The following TIAM2 variants were observed in gnomAD, a reference collection of about 807,000 sequenced individuals.
TIAM2 encodes rho guanine nucleotide exchange factor TIAM2.
A neutral mutation model predicts 152.9 loss-of-function variants in TIAM2; 80 were observed. The observed-to-expected ratio is 0.52, with a 90% CI of 0.44 to 0.63. TIAM2 has a LOEUF of 0.63. TIAM2 is among the 30% of genes least tolerant of loss of function. The pLI, the probability that TIAM2 is intolerant of heterozygous loss-of-function variation, is 0.00. For missense variants in TIAM2, 1,965 were observed against 2,120.1 expected, an observed-to-expected ratio of 0.93 and a Z score of 1.44; for synonymous variants, 804 against 838.0, an observed-to-expected ratio of 0.96 and a Z score of 0.70.
chr6:155,240,348 T>G (rs1782967708), intron 15 of TIAM2, among the ~76,000 whole-genome samples, 182 bp from the exon 16 acceptor site: 1 of 152,220 alleles, frequency 6.6e-6, no homozygotes, highest in African/African-American at 2.4e-5. Context: ...GCGCACATCT[T>G]CCTTACTCAG....
At chr6:155,032,893 C>G (rs1356062821) in intron 1 of TIAM2, among the ~76,000 whole-genome samples, 1 of 152,118 alleles carries the variant, frequency 6.6e-6, no homozygotes, top group Non-Finnish European at 1.5e-5. Context: ...AAGGAATACT[C>G]CAAAGGAATT....
At chr6:155,038,581 G>A (rs955055022) in intron 1 of TIAM2, among the ~76,000 whole-genome samples, 4 of 152,108 alleles carry the variant, frequency 2.6e-5, no homozygotes, top group Non-Finnish European at 5.9e-5. Context: ...AAGCTGGTAC[G>A]AAAAAGCACT....
At chr6:155,177,328 G>A (rs1780782307) in intron 10 of TIAM2, among the ~76,000 whole-genome samples, 1 of 152,062 alleles carries the variant, frequency 6.6e-6, no homozygotes, top group African/African-American at 2.4e-5. Context: ...TAAACTTTGA[G>A]GTAATTTAAT....
At chr6:155,220,887 G>C (rs151284731) in intron 15 of TIAM2, among the ~76,000 whole-genome samples, 1,880 of 152,050 alleles carry the variant, frequency 0.012, 32 homozygotes, top group Non-Finnish European at 0.014. Flanking sequence ...TCTACCTTAG[G>C]TATTTCTCCT....
At chr6:155,020,160 C>G (rs1776447467) in intron 1 of TIAM2, among the ~76,000 whole-genome samples, 1 of 152,174 alleles carries the variant, frequency 6.6e-6, no homozygotes, top group Admixed American at 6.6e-5. Context: ...GCAGCCTTGC[C>G]TAAGTCCTGA....
At chr6:155,135,609 C>G (rs1162790713) in intron 4 of TIAM2, among the ~76,000 whole-genome samples, 1 of 152,194 alleles carries the variant, frequency 6.6e-6, no homozygotes, top group Non-Finnish European at 1.5e-5. Context: ...AGTGACTAGA[C>G]TTCTAATCCA....
Position 155,249,900 on chromosome 6 carries a change from G to C in TIAM2, c.3882G>C (p.Gln1294His), listed in dbSNP as rs1311141522. ...EKVASHINEM[Q>H]KIYEDYGTVF... ...TAGCGAGCCACATCAATGAGATGCA[G>C]AAGATCTATGAGGATTATGGGACCG... The change falls in exon 21 of 27, where the codon CAG (glutamine) becomes CAC (histidine). Residue 1294 changes from glutamine (Q) to histidine (H), a missense_variant. This residue lies in a region of TIAM2 where 935 missense variants were observed against 980.0 expected (regional missense o/e 0.95). Coordinates refer to ENST00000682666, the MANE Select transcript of TIAM2 (RefSeq NM_012454.4). The C allele has an allele frequency of 6.2e-7, 1 of 1,614,168 alleles. No homozygotes were observed. The highest frequency in any genetic ancestry group is 8.5e-7 in the Non-Finnish European group (1 of 1,180,030).
chr6:155,025,139 G>C (rs1247921371), intron 1 of TIAM2, among the ~76,000 whole-genome samples: 1 of 151,534 alleles, frequency 6.6e-6, no homozygotes, highest in East Asian at 1.9e-4. Flanking sequence ...TGATTCTTCC[G>C]CCTCAGTCTC....
rs560431099 is a variant in TIAM2 at position 155,172,338 on chromosome 6, G to A, written c.2362-4478G>A. 1.9e-3 allele frequency among the ~76,000 whole-genome samples: 294 copies of A among 152,056 alleles called. 1 individual carries two copies. Among genetic ancestry groups the A allele is most frequent in the African/African-American group, 6.8e-3 (281 of 41,488 alleles). On this transcript the variant is annotated intron_variant, in intron 9 of 26. Transcript: ENST00000682666. Reference sequence around the variant, plus strand: ...GATTCTCAGGAAGTTCTTTATAGTGGCCATCGCTGAAATGCAGTAGCTACT... The same window carrying A: ...GATTCTCAGGAAGTTCTTTATAGTGACCATCGCTGAAATGCAGTAGCTACT...
At chr6:155,147,986 T>C (rs1779856192) in intron 6 of TIAM2, 124 bp from the exon 7 acceptor site, 1 of 907,820 alleles carries the variant, frequency 1.1e-6, no homozygotes, top group Admixed American at 2.1e-5. Flanking sequence ...TTTTTGAAAT[T>C]AAGCAGCTTG....
intron 14 of TIAM2, among the ~76,000 whole-genome samples, chr6:155,184,372 T>A (rs1220907126): frequency 1.3e-5 from 2 of 152,212 alleles, no homozygotes; most frequent in Non-Finnish European, 2.9e-5. Context: ...GCCAGTTTAG[T>A]TTTCTCACGG....
At chr6:155,111,603 G>A (rs1204701766) in intron 2 of TIAM2, among the ~76,000 whole-genome samples, 3 of 152,086 alleles carry the variant, frequency 2.0e-5, no homozygotes, top group Admixed American at 6.6e-5. Context: ...CCTCTCAAAC[G>A]TTTCTGAAGT....
In TIAM2 at chr6:155,047,888, C is replaced by T. The variant is rs150223580; in HGVS notation, c.-208-42401C>T. On this transcript the variant is annotated intron_variant, in intron 1 of 26. Transcript: ENST00000682666. ...GGGTATAGACTCTGCCAGTGCTGAC[C>T]GCTGGGTCCTGTAGGGCTGAATGGT... 2.9e-4 allele frequency among the ~76,000 whole-genome samples: 44 copies of T among 152,214 alleles called. No individual in the cohort carries two copies. The East Asian group carries it at 7.1e-3, about 25-fold the overall frequency.
rs1780958371 is a variant in TIAM2, at chr6:155,183,387, C to T, written c.2951C>T (p.Ser984Phe). 6.2e-7 allele frequency: 1 copy of T among 1,613,498 alleles called. No homozygotes were observed. The highest frequency in any genetic ancestry group is 8.5e-7 in the Non-Finnish European group (1 of 1,179,820). ...GACACAAAAGCAACCCTGTGTACAT[C>T]CTGGTCAGACAGTGACCTGTTCTCC... The part of the protein sequence containing the change: ...PPDTKATLCT[S>F]WSDSDLFSRD... Residue 984 changes from serine (S) to phenylalanine (F), a missense_variant, in exon 14 of 27, where the codon TCC (serine) becomes TTC (phenylalanine). This residue lies in a region of TIAM2 where 935 missense variants were observed against 980.0 expected (regional missense o/e 0.95). Coordinates refer to ENST00000682666, the MANE Select transcript of TIAM2 (RefSeq NM_012454.4).
At chr6:155,127,162 A>G (rs1779313984) in intron 2 of TIAM2, among the ~76,000 whole-genome samples, 1 of 152,216 alleles carries the variant, frequency 6.6e-6, no homozygotes, top group Admixed American at 6.5e-5. Context: ...ACGCTCCTGC[A>G]GCCCTGTGAG....
At chr6:155,168,029 T>G (rs948420161) in intron 9 of TIAM2, among the ~76,000 whole-genome samples, 10 of 152,198 alleles carry the variant, frequency 6.6e-5, no homozygotes, top group Non-Finnish European at 1.5e-4. Context: ...GGTCGAACAT[T>G]TTTTGTTTTA....
At chr6:155,201,435 G>A (rs1781469377) in intron 14 of TIAM2, among the ~76,000 whole-genome samples, 1 of 152,134 alleles carries the variant, frequency 6.6e-6, no homozygotes, top group South Asian at 2.1e-4. Flanking sequence ...GTGGCATTGG[G>A]GTGTCCTCCC....
intron 1 of TIAM2, among the ~76,000 whole-genome samples, chr6:155,059,576 A>G (rs1167942530): frequency 6.6e-6 from 1 of 152,010 alleles, no homozygotes; most frequent in African/African-American, 2.4e-5. Context: ...CCGGCCTCCC[A>G]AAGTGTTGGG....
chr6:155,025,817 CT>C (rs1776589040), intron 1 of TIAM2, among the ~76,000 whole-genome samples: 1 of 116,816 alleles, frequency 8.6e-6, no homozygotes, highest in African/African-American at 3.3e-5. Flanking sequence ...GCACCTCCCC[CT>C]CAAACACACA....
Sources: gnomAD v4.1 joint callset for allele counts (sites outside exome capture counted in the v4.1 genomes callset) on GRCh38, gnomAD v4.1.1 for gene constraint, gnomAD v4.1.1 regional missense constraint, MANE v1.5 for transcripts, NCBI Gene and HGNC (gene_info 2026-07-23, HGNC 2026-07-21) for gene names.